Variants in CALN1 observed in about 807,000 individuals in gnomAD.
CALN1 encodes calcium-binding protein 8.
A neutral mutation model predicts 30.6 loss-of-function variants in CALN1; 17 were observed. The observed-to-expected ratio is 0.56, with a 90% confidence interval of 0.38 to 0.83. CALN1 has a LOEUF of 0.83. Ranked by LOEUF, CALN1 falls within the 40% of genes least tolerant of loss-of-function variation. The pLI is 0.00. For missense variants in CALN1, 291 were observed against 354.9 expected (o/e 0.82, Z 1.45); for synonymous variants, 156 against 131.4 (o/e 1.19, Z -1.28).
At chr7:72,287,831 T>G (rs889875714) in intron 2 of CALN1, among the ~76,000 whole-genome samples, 2 of 152,172 alleles carry the variant, frequency 1.3e-5, no homozygotes, top group African/African-American at 4.8e-5. Flanking sequence ...AATACCCCCA[T>G]GTGTGTCTCT....
chr7:72,219,562 C>G (rs951618340), intron 3 of CALN1, among the ~76,000 whole-genome samples: 2 of 152,016 alleles, frequency 1.3e-5, no homozygotes, highest in African/African-American at 4.8e-5. Flanking sequence ...AACTGAATTT[C>G]AGAATCAATC....
At chr7:72,082,112 G>A (rs1018350149) in intron 4 of CALN1, among the ~76,000 whole-genome samples, 1 of 151,934 alleles carries the variant, frequency 6.6e-6, no homozygotes, top group African/African-American at 2.4e-5. Context: ...TCAGCCTCCC[G>A]AGTAGCTGGG....
the CALN1 span, among the ~76,000 whole-genome samples, chr7:72,471,077 C>A: frequency 2.0e-5 from 3 of 152,136 alleles, no homozygotes; most frequent in Admixed American, 1.3e-4. Flanking sequence ...ACCTCAGCCT[C>A]CCAAGTAGCT....
At chr7:72,315,025 C>T (rs1054238406) in intron 2 of CALN1, among the ~76,000 whole-genome samples, 1 of 151,386 alleles carries the variant, frequency 6.6e-6, no homozygotes, top group African/African-American at 2.4e-5. Context: ...ACGGCACACA[C>T]CTGTGGTCCC....
intron 5 of CALN1, among the ~76,000 whole-genome samples, chr7:71,892,207 T>C (rs915269650): frequency 1.1e-4 from 17 of 152,222 alleles, no homozygotes; most frequent in African/African-American, 4.1e-4. Context: ...TGTGCTAATT[T>C]ATATTTCTTT....
At chr7:72,333,300 C>A (rs901471759) in intron 2 of CALN1, among the ~76,000 whole-genome samples, 1 of 152,198 alleles carries the variant, frequency 6.6e-6, no homozygotes, top group South Asian at 2.1e-4. Flanking sequence ...TGATGACAGG[C>A]ACTGTGTCAA....
At chr7:72,369,932 AT>A (rs1428601157) in intron 2 of CALN1, among the ~76,000 whole-genome samples, 7 of 152,200 alleles carry the variant, frequency 4.6e-5, no homozygotes, top group Non-Finnish European at 1.0e-4. Context: ...ATTAGTAGTC[AT>A]GTTTGAGTCT....
chr7:72,041,319 A>G (rs951866901), intron 4 of CALN1, among the ~76,000 whole-genome samples: 2 of 152,064 alleles, frequency 1.3e-5, no homozygotes, highest in Admixed American at 1.3e-4. Context: ...TGGGGCTGAT[A>G]ACTGGAGTGA....
At chr7:72,063,194 G>A (rs959331552) in intron 4 of CALN1, among the ~76,000 whole-genome samples, 8 of 152,120 alleles carry the variant, frequency 5.3e-5, no homozygotes, top group African/African-American at 1.9e-4. Context: ...GAATTTACAC[G>A]TGTTAAAATT....
At chr7:72,461,353 C>T in the CALN1 span, among the ~76,000 whole-genome samples, 19 of 152,262 alleles carry the variant, frequency 1.2e-4, no homozygotes, top group Admixed American at 3.3e-4. Flanking sequence ...GACACCTGCA[C>T]TTATATGTTC....
chr7:72,389,576 G>A (rs565632245), intron 2 of CALN1, among the ~76,000 whole-genome samples: 7 of 152,194 alleles, frequency 4.6e-5, no homozygotes, highest in Non-Finnish European at 7.3e-5. Flanking sequence ...AATGACTGTT[G>A]TTATCTTGCC....
intron 2 of CALN1, among the ~76,000 whole-genome samples, chr7:72,389,316 A>G (rs558281781): frequency 1.3e-5 from 2 of 152,310 alleles, no homozygotes; most frequent in South Asian, 4.1e-4. Context: ...AGAAAGTAGA[A>G]GTTTCCTTTA....
chr7:72,279,938 G>A (rs866704344), intron 2 of CALN1, among the ~76,000 whole-genome samples: 2 of 152,080 alleles, frequency 1.3e-5, no homozygotes, highest in East Asian at 1.9e-4. Flanking sequence ...TCTTTGTATC[G>A]GAGCTTCTGG....
At chr7:72,481,551 T>A in the CALN1 span, among the ~76,000 whole-genome samples, 1 of 152,140 alleles carries the variant, frequency 6.6e-6, no homozygotes, top group African/African-American at 2.4e-5. Context: ...TGTCTCAAGG[T>A]GGAAGCTTAG....
At chr7:72,399,732 G>C (rs540201456) in intron 2 of CALN1, among the ~76,000 whole-genome samples, 2 of 152,174 alleles carry the variant, frequency 1.3e-5, no homozygotes, top group African/African-American at 4.8e-5. Context: ...AATAGCTCAA[G>C]GAACTGGAGG....
chr7:72,274,588 T>C (rs1231490234), intron 3 of CALN1, among the ~76,000 whole-genome samples: 1 of 152,014 alleles, frequency 6.6e-6, no homozygotes, highest in Non-Finnish European at 1.5e-5. Flanking sequence ...ATACTGCATA[T>C]ATCTAATAGA....
At chr7:71,971,963 A>AAGAAAGAAAGAAAGAAAGAC (rs1797846733) in intron 5 of CALN1, among the ~76,000 whole-genome samples, 2 of 105,728 alleles carry the variant, frequency 1.9e-5, no homozygotes, top group African/African-American at 6.7e-5. Context: ...AAAAGAAAGA[A>AAGAAAGAAAGAAAGAAAGAC]AGAAAGAAAG....
Position 71,979,869 on chromosome 7 carries a change from C to CTTTTTTTT in CALN1, c.501+43780_501+43787dup, listed in dbSNP as rs555621436. On this transcript the variant is annotated intron_variant, in intron 5 of 6. Transcript: ENST00000395275. ...ATAAAATCTCAGACACATCAGGATTCTTTTTTTTTTTTTTTTTTTTTTTTT... is the reference window on the plus strand; with the variant it reads ...ATAAAATCTCAGACACATCAGGATTCTTTTTTTTTTTTTTTTTTTTTTTTTTTTTTTTT... Among the ~76,000 whole-genome samples the CTTTTTTTT allele has an allele frequency of 1.7e-4, 15 of 89,682 alleles. 1 individual carries two copies. The highest frequency in any genetic ancestry group is 5.9e-4 in the African/African-American group (14 of 23,540). 58.8% of individuals were successfully genotyped at this position (89,682 alleles called of 152,430 possible). A position where few individuals can be genotyped will look rare whatever the true frequency, so the allele number is the denominator to read the frequency against.
At chr7:71,801,420 G>GTATC (rs1469408457) in intron 6 of CALN1, among the ~76,000 whole-genome samples, 7,992 of 99,670 alleles carry the variant, frequency 0.08, 347 homozygotes, top group Middle Eastern at 0.14. Flanking sequence ...ATGTATGTAT[G>GTATC]TATGTATGTA....
Sources: allele counts gnomAD v4.1 joint callset (sites outside exome capture counted in the v4.1 genomes callset), GRCh38; gene constraint gnomAD v4.1.1; transcripts MANE v1.5; gene names NCBI Gene and HGNC (gene_info 2026-07-23, HGNC 2026-07-21).